SUGCT: variants seen among roughly 807,000 people sequenced by gnomAD.
The protein encoded by SUGCT is succinyl-CoA:glutarate CoA-transferase.
In SUGCT, 41 loss-of-function variants were observed where a neutral mutation model predicts 55.0. The ratio of observed to expected loss-of-function variants is 0.74; its 90% CI spans 0.58 to 0.97. The LOEUF (loss-of-function observed/expected upper bound fraction) is 0.97, where lower values mean the gene tolerates loss of function less well. Among genes scored for constraint, SUGCT ranks in the 50% least tolerant of loss-of-function variants. SUGCT has a pLI of 0.00. For synonymous variants in SUGCT, 187 were observed against 200.4 expected (o/e 0.93, Z 0.56); for missense variants, 568 against 547.8 (o/e 1.04, Z -0.37).
chr7:40,504,243 TAAAA>T (rs1399288551), intron 12 of SUGCT, among the ~76,000 whole-genome samples: 1 of 149,798 alleles, frequency 6.7e-6, no homozygotes, highest in Non-Finnish European at 1.5e-5. Flanking sequence ...TCTTCTTTTT[TAAAA>T]AACAAACAAA....
chr7:40,540,620 G>A (rs911847545), intron 12 of SUGCT, among the ~76,000 whole-genome samples: 11 of 152,210 alleles, frequency 7.2e-5, no homozygotes, highest in African/African-American at 2.2e-4. Flanking sequence ...TGGCAAACAG[G>A]GCAGTTTTCT....
chr7:40,477,984 T>G (rs1790797345), intron 11 of SUGCT, among the ~76,000 whole-genome samples: 1 of 152,114 alleles, frequency 6.6e-6, no homozygotes, highest in Non-Finnish European at 1.5e-5. Flanking sequence ...AAATTATTGT[T>G]TGGGCTTTTT....
chr7:40,761,484 G>C (rs966763806), intron 13 of SUGCT, among the ~76,000 whole-genome samples: 4 of 152,180 alleles, frequency 2.6e-5, no homozygotes, highest in Non-Finnish European at 5.9e-5. Flanking sequence ...CTAGTTTTCT[G>C]AAATAGTAAT....
chr7:40,590,287 AC>A (rs1405923621), intron 12 of SUGCT, among the ~76,000 whole-genome samples: 1 of 152,172 alleles, frequency 6.6e-6, no homozygotes, highest in African/African-American at 2.4e-5. Context: ...TTAATTAATA[AC>A]CCTATATTGG....
chr7:40,297,457 C>T (rs1305035875), intron 8 of SUGCT, among the ~76,000 whole-genome samples: 3 of 152,038 alleles, frequency 2.0e-5, no homozygotes, highest in East Asian at 3.9e-4. Context: ...CTGGCTGATT[C>T]GTAGAGTAGG....
chr7:40,429,312 A>T (rs977367811), intron 9 of SUGCT, among the ~76,000 whole-genome samples: 1 of 152,020 alleles, frequency 6.6e-6, no homozygotes, highest in Non-Finnish European at 1.5e-5. Context: ...CTTCCCATGC[A>T]TGGTGTATTA....
chr7:40,365,809 A>C (rs1290235186), intron 9 of SUGCT, among the ~76,000 whole-genome samples: 1 of 152,234 alleles, frequency 6.6e-6, no homozygotes, highest in East Asian at 1.9e-4. Flanking sequence ...GAGTAGGCAG[A>C]ATCAATATCC....
intron 9 of SUGCT, among the ~76,000 whole-genome samples, chr7:40,411,820 T>G (rs1381804680): frequency 6.6e-6 from 1 of 152,184 alleles, no homozygotes; most frequent in Non-Finnish European, 1.5e-5. Context: ...GTGGTGGATA[T>G]CCCAATTGCC....
intron 9 of SUGCT, among the ~76,000 whole-genome samples, chr7:40,347,740 G>T (rs950519333): frequency 2.0e-5 from 3 of 152,120 alleles, no homozygotes; most frequent in Non-Finnish European, 4.4e-5. Flanking sequence ...GAATCAATTT[G>T]CTAGCTTTAT....
intron 9 of SUGCT, among the ~76,000 whole-genome samples, chr7:40,444,713 A>C (rs560341014): frequency 7.2e-4 from 109 of 152,202 alleles, no homozygotes; most frequent in African/African-American, 2.5e-3. Context: ...AGTACCCTTT[A>C]TTTCTTTCTC....
chr7:40,672,962 A>G (rs938810192), intron 12 of SUGCT, among the ~76,000 whole-genome samples: 3 of 152,130 alleles, frequency 2.0e-5, no homozygotes, highest in African/African-American at 7.2e-5. Context: ...GCCCTTTTGT[A>G]GGCGATCTTC....
intron 12 of SUGCT, among the ~76,000 whole-genome samples, chr7:40,634,360 T>G (rs1799929636): frequency 6.6e-6 from 1 of 152,034 alleles, no homozygotes; most frequent in South Asian, 2.1e-4. Flanking sequence ...CTGCTCTGTG[T>G]GATGTCAAGG....
intron 12 of SUGCT, among the ~76,000 whole-genome samples, chr7:40,714,858 C>T (rs1033645128): frequency 6.6e-6 from 1 of 152,206 alleles, no homozygotes; most frequent in South Asian, 2.1e-4. Flanking sequence ...CAGTTCCTAG[C>T]CATACTTTTC....
At chr7:40,268,497 A>G (rs910752449) in intron 7 of SUGCT, among the ~76,000 whole-genome samples, 1 of 152,150 alleles carries the variant, frequency 6.6e-6, no homozygotes, top group African/African-American at 2.4e-5. Context: ...TTTGTTGCCT[A>G]AAATATCCTA....
chr7:40,461,936 A>T (rs1789825991), intron 11 of SUGCT, among the ~76,000 whole-genome samples: 1 of 152,166 alleles, frequency 6.6e-6, no homozygotes, highest in South Asian at 2.1e-4. Flanking sequence ...AAAAGGCTAC[A>T]CCTTTTTCAT....
the SUGCT span, among the ~76,000 whole-genome samples, chr7:41,008,350 G>T: frequency 2.0e-5 from 3 of 152,174 alleles, no homozygotes; most frequent in African/African-American, 7.2e-5. Context: ...GTCTCCACTC[G>T]GTGGAGCCTG....
intron 7 of SUGCT, among the ~76,000 whole-genome samples, chr7:40,255,178 G>T (rs1790724926): frequency 6.9e-6 from 1 of 144,344 alleles, no homozygotes; most frequent in South Asian, 2.2e-4. Context: ...AGTGAGCTGA[G>T]ATCTCACCAT....
chr7:40,361,605 C>T (rs1798158158), intron 9 of SUGCT, among the ~76,000 whole-genome samples: 1 of 151,532 alleles, frequency 6.6e-6, no homozygotes, highest in Non-Finnish European at 1.5e-5. Context: ...AATTCAAACA[C>T]TCTAGGAAGA....
chr7:40,590,947 T>C (rs577529057), intron 12 of SUGCT, among the ~76,000 whole-genome samples: 34 of 152,304 alleles, frequency 2.2e-4, no homozygotes, highest in African/African-American at 7.2e-4. Context: ...TCATTGACAA[T>C]GTACCTCATT....
Sources: gnomAD v4.1 joint callset for allele counts (sites outside exome capture counted in the v4.1 genomes callset) on GRCh38, gnomAD v4.1.1 for gene constraint, MANE v1.5 for transcripts, NCBI Gene and HGNC (gene_info 2026-07-23, HGNC 2026-07-21) for gene names.